The following COL11A1 variants were observed in gnomAD, a reference collection of about 807,000 sequenced individuals.
The protein encoded by COL11A1 is collagen alpha-1(XI) chain.
Under a neutral mutation model 265.2 loss-of-function variants are expected in COL11A1, and 74 were observed. The ratio of observed to expected loss-of-function variants is 0.28; its 90% CI spans 0.23 to 0.34. COL11A1 has a LOEUF of 0.34. Ranked by LOEUF, COL11A1 falls within the 10% of genes least tolerant of loss-of-function variation. The pLI is 1.00. For synonymous variants in COL11A1, 816 were observed against 727.6 expected, an observed-to-expected ratio of 1.12 and a Z score of -1.96; for missense variants, 2,165 against 2,263.6, an observed-to-expected ratio of 0.96 and a Z score of 0.88.
intron 66 of COL11A1, among the ~76,000 whole-genome samples, chr1:102,878,484 A>ATATATATATATATATATG (rs1649802142): frequency 1.1e-5 from 1 of 93,986 alleles, no homozygotes; most frequent in Non-Finnish European, 2.1e-5. Context: ...TCATATATAT[A>ATATATATATATATATATG]TATATATATA....
At chr1:102,954,856 A>C (rs1660221900) in intron 41 of COL11A1, among the ~76,000 whole-genome samples, 1 of 152,092 alleles carries the variant, frequency 6.6e-6, no homozygotes, top group Non-Finnish European at 1.5e-5. Flanking sequence ...AAATAAAAAA[A>C]AAAAAAAAAG....
At chr1:103,083,062 C>T in intron 1 of COL11A1, 90 bp from the exon 2 acceptor site, 1 of 1,269,344 alleles carries the variant, frequency 7.9e-7, no homozygotes, top group Non-Finnish European at 1.1e-6. Flanking sequence ...TATGTCATTT[C>T]ATACCTTGAA....
At chr1:102,974,156 C>T (rs958629960) in intron 36 of COL11A1, among the ~76,000 whole-genome samples, 6 of 143,206 alleles carry the variant, frequency 4.2e-5, no homozygotes, top group Admixed American at 3.7e-4. Flanking sequence ...CTCCCACTCT[C>T]TTAAAGAAAC....
intron 49 of COL11A1, among the ~76,000 whole-genome samples, chr1:102,918,317 C>T (rs545783162): frequency 6.6e-6 from 1 of 151,810 alleles, no homozygotes; most frequent in African/African-American, 2.4e-5. Flanking sequence ...AGAAAATATC[C>T]TGACATATTT....
intron 4 of COL11A1, among the ~76,000 whole-genome samples, chr1:103,053,659 A>G (rs1181398436): frequency 6.6e-6 from 1 of 152,230 alleles, no homozygotes; most frequent in Non-Finnish European, 1.5e-5. Context: ...AAAAAGAATT[A>G]CATCAAAGTT....
chr1:103,000,441 C>G (rs1214668003), intron 24 of COL11A1, among the ~76,000 whole-genome samples: 1 of 151,678 alleles, frequency 6.6e-6, no homozygotes, highest in Non-Finnish European at 1.5e-5. Flanking sequence ...AGAATATTAA[C>G]CAAAAGAGTT....
At chr1:102,878,193 T>C (rs777439432) in intron 66 of COL11A1, 28 bp from the exon 67 acceptor site, 13 of 1,582,274 alleles carry the variant, frequency 8.2e-6, no homozygotes, top group Non-Finnish European at 1.1e-5. Flanking sequence ...AATAAAAAGT[T>C]ATACAATCTT....
At chr1:102,982,949 A>G (rs1000871639) in intron 31 of COL11A1, among the ~76,000 whole-genome samples, 6 of 152,120 alleles carry the variant, frequency 3.9e-5, no homozygotes, top group African/African-American at 1.4e-4. Flanking sequence ...CAAACTCAAT[A>G]AACTGATAGA....
intron 1 of COL11A1, among the ~76,000 whole-genome samples, chr1:103,089,202 T>TA (rs1673108809): frequency 6.6e-6 from 1 of 152,186 alleles, no homozygotes; most frequent in South Asian, 2.1e-4. Context: ...CAGACATCCA[T>TA]ATTTTTTAAG....
chr1:102,905,241 GAGGGATAGCATT>G (rs1346718339), intron 54 of COL11A1, among the ~76,000 whole-genome samples: 4 of 101,008 alleles, frequency 4.0e-5, no homozygotes, highest in Non-Finnish European at 7.5e-5. Context: ...GGGGAGGGGG[GAGGGATAGCATT>G]AGGAGATATA....
At position 103,006,296 on chromosome 1, in the gene COL11A1, C is replaced by A; in HGVS notation, c.1703G>T (p.Gly568Val). 1 of 1,609,560 alleles carries A rather than the reference C, an allele frequency of 6.2e-7. No homozygotes were observed. Among genetic ancestry groups the A allele is most frequent in the South Asian group, 1.1e-5 (1 of 90,610 alleles). ...AGGTTTTCCCGTTGGACCAGGGGGA[C>A]CCTGGACGCCTCGAGGGCCCTATAT... The part of the protein sequence containing the change: ...PGPQGPRGVQ[G>V]PPGPTGKPGK... The change falls in exon 16 of 67, where the codon GGT becomes GTT. Residue 568 changes from glycine (G) to valine (V), a missense_variant. Transcript: ENST00000370096.
At chr1:102,882,833 A>C (rs1376419476) in intron 64 of COL11A1, among the ~76,000 whole-genome samples, 1 of 152,182 alleles carries the variant, frequency 6.6e-6, no homozygotes, top group East Asian at 1.9e-4. Context: ...ATTCTTTATA[A>C]AATTAGATAT....
intron 54 of COL11A1, among the ~76,000 whole-genome samples, chr1:102,906,284 G>A (rs1250528573): frequency 6.6e-6 from 1 of 152,168 alleles, no homozygotes; most frequent in Non-Finnish European, 1.5e-5. Flanking sequence ...TTTGAAACAA[G>A]TTCTGTCTGA....
chr1:102,971,007 A>AAAAAC (rs1399127808), intron 36 of COL11A1, among the ~76,000 whole-genome samples: 2 of 79,370 alleles, frequency 2.5e-5, no homozygotes, highest in African/African-American at 9.0e-5. Flanking sequence ...TCAAAAAACA[A>AAAAAC]AAAACAAAAC....
chr1:102,890,585 T>C (rs1651643455), intron 57 of COL11A1, 81 bp from the exon 58 acceptor site: 3 of 1,192,016 alleles, frequency 2.5e-6, no homozygotes, highest in African/African-American at 3.2e-5. Context: ...GTCACAGACC[T>C]AGTTTAGTTT....
intron 4 of COL11A1, among the ~76,000 whole-genome samples, chr1:103,070,272 A>G (rs1671478308): frequency 6.6e-6 from 1 of 150,600 alleles, no homozygotes; most frequent in Non-Finnish European, 1.5e-5. Flanking sequence ...AATTCTTAAG[A>G]TCATTATACT....
chr1:103,108,309 C>A lies in COL11A1; in HGVS notation c.-131G>T, dbSNP rs994352542. On this transcript the variant is annotated 5_prime_UTR_variant, in exon 1 of 67. Transcript: ENST00000370096. Reference sequence around the variant, plus strand: ...TTGGGGAGGGAGAGGGGGAAAAAGTCAAAGGGCTTTTTCTTCTAAATTTGA... The same window carrying A: ...TTGGGGAGGGAGAGGGGGAAAAAGTAAAAGGGCTTTTTCTTCTAAATTTGA... The A allele has an allele frequency of 1.1e-4, 79 of 732,814 alleles. No homozygotes were observed. The highest frequency in any genetic ancestry group is 1.3e-4 in the Non-Finnish European group (53 of 408,876). 45.4% of individuals were successfully genotyped at this position (732,814 alleles called of 1,614,324 possible). A position where few individuals can be genotyped will look rare whatever the true frequency, so the allele number is the denominator to read the frequency against.
chr1:103,014,676 C>A (rs1003872222), intron 12 of COL11A1, 82 bp from the exon 13 acceptor site: 4 of 1,146,312 alleles, frequency 3.5e-6, no homozygotes, highest in East Asian at 4.9e-5. Flanking sequence ...TAGATAAAAA[C>A]CACTTATTAA....
At chr1:102,954,569 G>T (rs548015195) in intron 41 of COL11A1, among the ~76,000 whole-genome samples, 53 of 152,306 alleles carry the variant, frequency 3.5e-4, no homozygotes, top group African/African-American at 1.2e-3. Flanking sequence ...CTTCAGCCAG[G>T]CACCTTGGCT....
Sources: allele counts gnomAD v4.1 joint callset (sites outside exome capture counted in the v4.1 genomes callset), GRCh38; gene constraint gnomAD v4.1.1; transcripts MANE v1.5; gene names NCBI Gene and HGNC (gene_info 2026-07-23, HGNC 2026-07-21).